Variants in PRDM5 observed in about 807,000 individuals in gnomAD.
The protein encoded by PRDM5 is PR/SET domain 5.
PRDM5 carries 56 observed loss-of-function variants against 81.2 expected under a neutral mutation model. The ratio of observed to expected loss-of-function variants is 0.69; its 90% confidence interval spans 0.56 to 0.86. The LOEUF is 0.86. PRDM5 is among the 40% of genes least tolerant of loss of function. The pLI is 0.00. For synonymous variants in PRDM5, 267 were observed against 256.4 expected, an observed-to-expected ratio of 1.04 and a Z score of -0.39; for missense variants, 697 against 770.1, an observed-to-expected ratio of 0.91 and a Z score of 1.12.
Position 120,816,871 on chromosome 4 carries a change from T to C in PRDM5, c.704A>G (p.Gln235Arg), listed in dbSNP as rs1460174994. Residue 235 changes from glutamine (Q) to arginine (R), a missense_variant, in exon 6 of 16, where the codon CAG becomes CGG. This residue lies in a region of PRDM5 where 577 missense variants were observed against 606.7 expected (regional missense o/e 0.95). Transcript: ENST00000264808. Reference sequence around the variant, plus strand: ...GAAGGAAGAATTGCAAACAGAGCACTGAAAACTTCGCGAAGACTCCTTTAG... The same window carrying C: ...GAAGGAAGAATTGCAAACAGAGCACCGAAAACTTCGCGAAGACTCCTTTAG... ...SSLKESSRSF[Q>R]CSVCNSSFSS... The C allele has an allele frequency of 1.2e-6, 2 of 1,613,908 alleles. No individual in the cohort carries two copies. Among genetic ancestry groups the C allele is most frequent in the East Asian group, 2.2e-5 (1 of 44,870 alleles).
In PRDM5 at chr4:120,707,922, C is replaced by T. The variant is rs576487089; in HGVS notation, c.1728+2387G>A. 2.0e-5 allele frequency among the ~76,000 whole-genome samples: 3 copies of T among 152,078 alleles called. No individual in the cohort carries two copies. The South Asian group carries it at 6.2e-4, about 32-fold the overall frequency. The stretch of plus-strand genomic sequence containing the variant: ...AAGTATATGGAAAGATGCTCACCAT[C>T]ATTTGTTCTTTGGGGAATGTAAATC... On this transcript the variant is annotated intron_variant, in intron 15 of 15. Transcript: ENST00000264808.
At chr4:120,696,622 T>C (rs971723583) in intron 15 of PRDM5, among the ~76,000 whole-genome samples, 3 of 152,202 alleles carry the variant, frequency 2.0e-5, no homozygotes, top group Admixed American at 2.0e-4. Context: ...TGTATTTACC[T>C]TGCAGGATTA....
intron 14 of PRDM5, among the ~76,000 whole-genome samples, chr4:120,743,908 C>T (rs1163587445): frequency 1.3e-5 from 2 of 151,462 alleles, no homozygotes; most frequent in African/African-American, 4.9e-5. Context: ...AGGAATTGAA[C>T]TCAGCTCTGC....
At chr4:120,740,667 A>G (rs1741790681) in intron 14 of PRDM5, among the ~76,000 whole-genome samples, 1 of 152,254 alleles carries the variant, frequency 6.6e-6, no homozygotes, top group East Asian at 1.9e-4. Flanking sequence ...TCCCATGGCC[A>G]TCTCATGTGG....
In PRDM5 at chr4:120,785,009, A is replaced by T; in HGVS notation, c.1271T>A (p.Leu424Gln). ...RTPFSLQRHL[L>Q]IHNSERTFKC... Reference sequence around the variant, plus strand: ...GAATCGTGACTTACTGTTATGTATTAGCAGGTGTCTCTGTAAAGAAAATGG... The same window carrying T: ...GAATCGTGACTTACTGTTATGTATTTGCAGGTGTCTCTGTAAAGAAAATGG... Residue 424 changes from leucine (L) to glutamine (Q), a missense_variant, in exon 11 of 16, where the codon CTA becomes CAA. By Grantham distance (113) the Leu-to-Gln change is moderately radical (BLOSUM62 -2). Transcript: ENST00000264808. 6.3e-7 allele frequency: 1 copy of T among 1,596,540 alleles called. No homozygotes were observed. Among genetic ancestry groups the T allele is most frequent in the Non-Finnish European group, 8.6e-7 (1 of 1,164,040 alleles).
chr4:120,891,692 C>G (rs1012995189), intron 2 of PRDM5, among the ~76,000 whole-genome samples: 1 of 152,032 alleles, frequency 6.6e-6, no homozygotes, highest in African/African-American at 2.4e-5. Flanking sequence ...CAGAGTGACA[C>G]GTTCTCAGCT....
At position 120,902,175 on chromosome 4, in the gene PRDM5, G is replaced by A. The variant is rs552764329; in HGVS notation, c.177+5299C>T. ...GTTTGGAGGATTCCAGCTGCTACTG[G>A]ATTCACCAGTAGCCACTTTAGAACA... On this transcript the variant is annotated intron_variant, in intron 2 of 15. Transcript: ENST00000264808. Among the ~76,000 whole-genome samples, 8 of 152,264 alleles carry A rather than the reference G, an allele frequency of 5.3e-5. No homozygotes were observed. In the South Asian group the frequency reaches 1.5e-3, roughly 28 times the overall value.
At chr4:120,884,162 C>G (rs1191672742) in intron 2 of PRDM5, among the ~76,000 whole-genome samples, 1 of 151,902 alleles carries the variant, frequency 6.6e-6, no homozygotes, top group Non-Finnish European at 1.5e-5. Flanking sequence ...TATAGGGATC[C>G]CATTGGTCTC....
intron 1 of PRDM5, among the ~76,000 whole-genome samples, chr4:120,921,297 C>T (rs554417126): frequency 1.3e-5 from 2 of 152,286 alleles, no homozygotes; most frequent in East Asian, 3.9e-4. Flanking sequence ...GGCCATTTGG[C>T]AACTATTCAA....
chr4:120,829,288 A>G (rs926336502), intron 3 of PRDM5, among the ~76,000 whole-genome samples: 2 of 152,090 alleles, frequency 1.3e-5, no homozygotes, highest in African/African-American at 4.8e-5. Flanking sequence ...GATGCCTTCC[A>G]GTCTAATTAT....
At chr4:120,884,696 A>G (rs1763210750) in intron 2 of PRDM5, among the ~76,000 whole-genome samples, 1 of 152,174 alleles carries the variant, frequency 6.6e-6, no homozygotes, top group Non-Finnish European at 1.5e-5. Context: ...CATGGGGGAC[A>G]CTACTTCTGA....
At chr4:120,809,744 T>C (rs1431483027) in intron 8 of PRDM5, among the ~76,000 whole-genome samples, 1 of 152,202 alleles carries the variant, frequency 6.6e-6, no homozygotes, top group Non-Finnish European at 1.5e-5. Context: ...TTCTCAACTA[T>C]AGGAAAAGTT....
chr4:120,743,357 A>G (rs1742407752), intron 14 of PRDM5, among the ~76,000 whole-genome samples: 1 of 151,862 alleles, frequency 6.6e-6, no homozygotes, highest in African/African-American at 2.4e-5. Context: ...GAGACTAGGA[A>G]GAAACTGCAT....
intron 13 of PRDM5, among the ~76,000 whole-genome samples, chr4:120,756,021 T>C (rs1744689382): frequency 6.6e-6 from 1 of 152,114 alleles, no homozygotes; most frequent in South Asian, 2.1e-4. Flanking sequence ...CTTACCAACT[T>C]CTCTGAGACA....
intron 2 of PRDM5, among the ~76,000 whole-genome samples, chr4:120,881,796 T>G (rs1234569862): frequency 6.6e-6 from 1 of 152,216 alleles, no homozygotes; most frequent in Non-Finnish European, 1.5e-5. Context: ...AAACTTTGAC[T>G]CAATTGATCT....
At chr4:120,920,531 C>T (rs972814277) in intron 1 of PRDM5, among the ~76,000 whole-genome samples, 1 of 152,214 alleles carries the variant, frequency 6.6e-6, no homozygotes, top group Non-Finnish European at 1.5e-5. Context: ...TGCCTTGATA[C>T]TCAGCTGCAG....
At chr4:120,839,229 T>TAA in intron 3 of PRDM5, 1 of 703,064 alleles carries the variant, frequency 1.4e-6, no homozygotes, top group Non-Finnish European at 2.6e-6. Context: ...TTGTCTGTGT[T>TAA]ACAGCTCTTT....
In PRDM5 at chr4:120,816,270, TAA is replaced by T. The variant is rs763085711; in HGVS notation, c.865+181_865+182del. 9.7e-4 allele frequency: 904 copies of T among 930,232 alleles called. 4 individuals carry two copies. Among genetic ancestry groups the T allele is most frequent in the Middle Eastern group, 6.4e-4 (3 of 4,678 alleles). 57.6% of individuals were successfully genotyped at this position (930,232 alleles called of 1,614,324 possible). ...GAATGGGAAAAAGAACAAATGCTGC[TAA>T]ATTCAACCTGAGAAAGAAATAGTGT... On this transcript the variant is annotated intron_variant, in intron 7 of 15. Coordinates refer to ENST00000264808, the MANE Select transcript of PRDM5 (RefSeq NM_018699.4).
At chr4:120,845,522 C>G (rs1215091651) in intron 3 of PRDM5, among the ~76,000 whole-genome samples, 1 of 152,182 alleles carries the variant, frequency 6.6e-6, no homozygotes, top group Non-Finnish European at 1.5e-5. Flanking sequence ...ACTGCATAGT[C>G]TACTGAATAT....
Sources: gnomAD v4.1 joint callset for allele counts (sites outside exome capture counted in the v4.1 genomes callset) on GRCh38, gnomAD v4.1.1 for gene constraint, gnomAD v4.1.1 regional missense constraint, MANE v1.5 for transcripts, NCBI Gene and HGNC (gene_info 2026-07-23, HGNC 2026-07-21) for gene names.